The following PRKD3 variants were observed in gnomAD, a reference collection of about 807,000 sequenced individuals.
PRKD3 encodes the protein protein kinase D3.
A neutral mutation model predicts 99.2 loss-of-function variants in PRKD3; 47 were observed. The observed-to-expected ratio is 0.47, with a 90% confidence interval of 0.38 to 0.60. The LOEUF (loss-of-function observed/expected upper bound fraction) is 0.60. Among genes scored for constraint, PRKD3 ranks in the 20% least tolerant of loss-of-function variants. The probability of loss-of-function intolerance (pLI) is 0.00; values close to 1 mark genes in which losing one functional copy is unlikely to be tolerated. For synonymous variants in PRKD3, 392 were observed against 355.4 expected, an observed-to-expected ratio of 1.10 and a Z score of -1.16; for missense variants, 1,019 against 1,088.4, an observed-to-expected ratio of 0.94 and a Z score of 0.90.
intron 5 of PRKD3, among the ~76,000 whole-genome samples, chr2:37,287,529 C>G (rs964938794): frequency 3.3e-5 from 5 of 152,278 alleles, no homozygotes; most frequent in African/African-American, 1.2e-4. Flanking sequence ...TAGAAGGCAG[C>G]TGAAAGATCT....
At chr2:37,318,610 G>A in intron 1 of PRKD3, among the ~76,000 whole-genome samples, 1 of 152,224 alleles carries the variant, frequency 6.6e-6, no homozygotes, top group Non-Finnish European at 1.5e-5. Flanking sequence ...TGCTCAACTT[G>A]TATTTTGCTT....
chr2:37,257,293 T>G (rs1013208366), intron 16 of PRKD3, among the ~76,000 whole-genome samples: 1 of 152,192 alleles, frequency 6.6e-6, no homozygotes, highest in Non-Finnish European at 1.5e-5. Flanking sequence ...TGAGCAGGAA[T>G]TGTTTCATTT....
chr2:37,292,279 T>G (rs567417061), intron 3 of PRKD3, among the ~76,000 whole-genome samples: 35 of 152,106 alleles, frequency 2.3e-4, no homozygotes, highest in Admixed American at 6.5e-4. Context: ...TATATTTCTT[T>G]CAGACCAAAT....
At chr2:37,298,953 A>G (rs945688117) in intron 2 of PRKD3, among the ~76,000 whole-genome samples, 19 of 152,098 alleles carry the variant, frequency 1.2e-4, no homozygotes, top group Admixed American at 1.2e-3. Flanking sequence ...TAAGACTTCC[A>G]GTATTATGTT....
intron 14 of PRKD3, among the ~76,000 whole-genome samples, chr2:37,266,490 T>C (rs888990783): frequency 8.6e-6 from 1 of 116,008 alleles, no homozygotes; most frequent in Non-Finnish European, 1.8e-5. Context: ...CACACCCGGC[T>C]TTTTTTTTTT....
At chr2:37,297,204 A>T (rs13426346) in intron 2 of PRKD3, among the ~76,000 whole-genome samples, 13,488 of 152,200 alleles carry the variant, frequency 0.089, 1,027 homozygotes, top group African/African-American at 0.2. Context: ...AGCTTAAAAC[A>T]AAGGATGCTT....
intron 9 of PRKD3, among the ~76,000 whole-genome samples, chr2:37,276,140 TACAC>T (rs765120824): frequency 2.0e-5 from 3 of 151,712 alleles, no homozygotes; most frequent in Non-Finnish European, 2.9e-5. Context: ...ATATGACACA[TACAC>T]ACACACACAT....
At chr2:37,267,836 G>A (rs1668948712) in intron 13 of PRKD3, 1 of 284,746 alleles carries the variant, frequency 3.5e-6, no homozygotes, top group East Asian at 9.6e-5. Flanking sequence ...CCCTGACCTA[G>A]TCCTTCAGAG....
At chr2:37,297,025 A>G (rs1045169294) in intron 2 of PRKD3, among the ~76,000 whole-genome samples, 12 of 152,098 alleles carry the variant, frequency 7.9e-5, no homozygotes, top group Non-Finnish European at 1.2e-4. Flanking sequence ...ATGAGCACAC[A>G]TTCATTATGA....
At chr2:37,311,254 A>G (rs142978204) in intron 2 of PRKD3, among the ~76,000 whole-genome samples, 1 of 152,296 alleles carries the variant, frequency 6.6e-6, no homozygotes, top group East Asian at 1.9e-4. Flanking sequence ...TGAAAATATG[A>G]TTTCATATTT....
intron 2 of PRKD3, among the ~76,000 whole-genome samples, chr2:37,297,876 C>A (rs1353382725): frequency 2.6e-5 from 4 of 152,134 alleles, no homozygotes; most frequent in Non-Finnish European, 5.9e-5. Flanking sequence ...TTCTCCACTG[C>A]AAAACTACTC....
intron 7 of PRKD3, among the ~76,000 whole-genome samples, chr2:37,281,152 C>T (rs886554054): frequency 6.6e-6 from 1 of 152,010 alleles, no homozygotes; most frequent in Admixed American, 6.6e-5. Flanking sequence ...TCATAAACTG[C>T]TAATGTAAAA....
rs1194016645 is a variant in PRKD3 at position 37,274,357 on chromosome 2, C to G, written c.1651+64G>C. 2.6e-6 allele frequency: 4 copies of G among 1,567,954 alleles called. No individual in the cohort carries two copies. In the East Asian group the frequency reaches 9.0e-5, roughly 35 times the overall value. On this transcript the variant is annotated intron_variant, in intron 11 of 18. Transcript: ENST00000234179. ...CATTAAAAGGAACAAAGGAACACAA[C>G]CATACCCACAAAATGCTTAAGAATT...
At chr2:37,324,551 G>T (rs1254514947) in intron 1 of PRKD3, 130 bp downstream of exon 1, 1 of 146,428 alleles carries the variant, frequency 6.8e-6, no homozygotes, top group Non-Finnish European at 1.5e-5. Flanking sequence ...CAGTTGGGGG[G>T]TTGGGGGTTT....
At chr2:37,323,995 C>T (rs773260561) in intron 1 of PRKD3, among the ~76,000 whole-genome samples, 9 of 152,170 alleles carry the variant, frequency 5.9e-5, no homozygotes, top group Non-Finnish European at 1.0e-4. Flanking sequence ...ACTGCGTTCA[C>T]CTGAAATAAA....
intron 9 of PRKD3, among the ~76,000 whole-genome samples, chr2:37,276,742 C>A (rs887061376): frequency 6.6e-6 from 1 of 150,968 alleles, no homozygotes; most frequent in Admixed American, 6.6e-5. Context: ...ATCTTTGATA[C>A]ATTTAGGTTT....
intron 2 of PRKD3, among the ~76,000 whole-genome samples, chr2:37,314,683 TAG>T (rs3836068): frequency 0.14 from 21,256 of 152,088 alleles, 1,664 homozygotes; most frequent in South Asian, 0.27. Flanking sequence ...AACTAAATCA[TAG>T]AGAGTCATCA....
At chr2:37,263,813 T>A (rs141859831) in intron 14 of PRKD3, among the ~76,000 whole-genome samples, 1 of 152,316 alleles carries the variant, frequency 6.6e-6, no homozygotes, top group African/African-American at 2.4e-5. Context: ...GAAATCTACA[T>A]GATTTTATAG....
rs1002305838 is a variant in PRKD3 at position 37,258,819 on chromosome 2, C to G, written c.2145+764G>C. On this transcript the variant is annotated intron_variant, in intron 16 of 18. Coordinates refer to ENST00000234179, the MANE Select transcript of PRKD3 (RefSeq NM_005813.6). ...ATATTTACCAAGTGAAAACACCTATCTGTTGTCCTTAGTCTTGCCATTTGT... is the reference window on the plus strand; with the variant it reads ...ATATTTACCAAGTGAAAACACCTATGTGTTGTCCTTAGTCTTGCCATTTGT... Among the ~76,000 whole-genome samples the G allele has an allele frequency of 2.6e-5, 4 of 152,146 alleles. No individual in the cohort carries two copies. The South Asian group carries it at 6.2e-4, about 24-fold the overall frequency.
Sources: allele counts gnomAD v4.1 joint callset (sites outside exome capture counted in the v4.1 genomes callset), GRCh38; gene constraint gnomAD v4.1.1; transcripts MANE v1.5; gene names NCBI Gene and HGNC (gene_info 2026-07-23, HGNC 2026-07-21).